The following MROH1 variants were observed in gnomAD, a reference collection of about 807,000 sequenced individuals.
MROH1 encodes maestro heat like repeat family member 1.
In MROH1, 117 loss-of-function variants were observed where a neutral mutation model predicts 116.5. That is an observed-to-expected ratio of 1.00 (90% CI 0.86 to 1.17). MROH1 has a LOEUF of 1.17. Ranked by LOEUF, MROH1 falls within the 50% of genes most tolerant of loss-of-function variation. The pLI, the probability that MROH1 is intolerant of heterozygous loss-of-function variation, is 0.00. For missense variants in MROH1, 1,873 were observed against 1,338.5 expected, an observed-to-expected ratio of 1.40 and a Z score of -6.23; for synonymous variants, 921 against 583.9, an observed-to-expected ratio of 1.58 and a Z score of -8.32.
rs1390420948 is a variant in MROH1 at position 144,200,559 on chromosome 8, A to G, written c.1141+18A>G. 1.3e-6 allele frequency: 2 copies of G among 1,531,132 alleles called. 1 individual carries two copies. Among genetic ancestry groups the G allele is most frequent in the South Asian group, 2.4e-5 (2 of 83,680 alleles). 94.8% of individuals were successfully genotyped at this position (1,531,132 alleles called of 1,614,324 possible). ...CTCAGCTGGTGAGTGCCTCCATGCT[A>G]GCCTGGCCGCCACCCCTGGCCATGT... On this transcript the variant is annotated intron_variant, in intron 12 of 43. Coordinates refer to ENST00000326134, the MANE Select transcript of MROH1 (RefSeq NM_032450.3).
At chr8:144,169,386 C>A (rs1277299623) in intron 4 of MROH1, among the ~76,000 whole-genome samples, 1 of 151,888 alleles carries the variant, frequency 6.6e-6, no homozygotes, top group Non-Finnish European at 1.5e-5. Context: ...TCTCTCCTTT[C>A]TTCCTCTGTC....
At chr8:144,246,948 C>T (rs1449030210) in intron 29 of MROH1, among the ~76,000 whole-genome samples, 4 of 152,238 alleles carry the variant, frequency 2.6e-5, no homozygotes, top group Non-Finnish European at 4.4e-5. Context: ...AGAGCCCGTG[C>T]ACTCCTCCCA....
intron 35 of MROH1, among the ~76,000 whole-genome samples, chr8:144,255,981 G>T (rs985963958): frequency 6.6e-6 from 1 of 152,254 alleles, no homozygotes; most frequent in Non-Finnish European, 1.5e-5. Context: ...TGGGGGCTTC[G>T]TGTGGCAGCT....
Position 144,180,842 on chromosome 8 carries a change from G to T in MROH1, c.562+319G>T, listed in dbSNP as rs1825443638. Among the ~76,000 whole-genome samples the T allele has an allele frequency of 6.6e-6, 1 of 152,132 alleles. No individual in the cohort carries two copies. Among genetic ancestry groups the T allele is most frequent in the Admixed American group, 6.5e-5 (1 of 15,278 alleles). ...CTTTTTGTTTTCCTCCCCACTCCAGGCTAGAAAAGTGTCCGCTCTCTGGGC... is the reference window on the plus strand; with the variant it reads ...CTTTTTGTTTTCCTCCCCACTCCAGTCTAGAAAAGTGTCCGCTCTCTGGGC... On this transcript the variant is annotated intron_variant, in intron 7 of 43. Coordinates refer to ENST00000326134, the MANE Select transcript of MROH1 (RefSeq NM_032450.3). This position sits in a 1 kb window ranked among gnomAD's most constrained non-coding sequence, Gnocchi z 7.4.
At chr8:144,258,057 G>C (rs1844240447) in intron 35 of MROH1, among the ~76,000 whole-genome samples, 1 of 152,206 alleles carries the variant, frequency 6.6e-6, no homozygotes. Flanking sequence ...CAGCAGGGAA[G>C]GGCTCATCTG....
chr8:144,238,800 C>T lies in MROH1; in HGVS notation c.1383C>T (p.Ser461=). 3 of 774,792 alleles carry T rather than the reference C, an allele frequency of 3.9e-6. No individual in the cohort carries two copies. The highest frequency in any genetic ancestry group is 2.4e-5 in the East Asian group (1 of 41,246). The allele number at this position is 774,792 out of a possible 1,614,324, so 48.0% of individuals were successfully genotyped here. A position where few individuals can be genotyped will look rare whatever the true frequency, so the allele number is the denominator to read the frequency against. Residue 461 remains serine (S), a synonymous_variant, in exon 15 of 44, where the codon AGC becomes AGT. Transcript: ENST00000326134. Reference sequence around the variant, plus strand: ...GCAGCAAGGACCCCAAGGCCGACAGCGTGCGGGCCATCAGCGTGCGCACCC... The same window carrying T: ...GCAGCAAGGACCCCAAGGCCGACAGTGTGCGGGCCATCAGCGTGCGCACCC... ...GPGSKDPKAD[S]VRAISVRTLY...
At chr8:144,190,965 C>G in intron 8 of MROH1, 30 bp downstream of exon 8, 1 of 1,593,906 alleles carries the variant, frequency 6.3e-7, no homozygotes, top group Non-Finnish European at 8.6e-7. Flanking sequence ...CAGTCCACGC[C>G]TGATGCCAGG....
At chr8:144,149,200 G>A (rs962280351) in intron 1 of MROH1, among the ~76,000 whole-genome samples, 104 of 152,254 alleles carry the variant, frequency 6.8e-4, no homozygotes, top group African/African-American at 2.2e-3. Context: ...TGTTTGTGAC[G>A]TGGCTGCATG....
chr8:144,221,701 G>T (rs1344711744), intron 13 of MROH1, among the ~76,000 whole-genome samples: 8 of 152,068 alleles, frequency 5.3e-5, no homozygotes, highest in South Asian at 2.1e-4. Context: ...GGGTCTTTTG[G>T]TCCTTTTGGA....
Position 144,259,954 on chromosome 8 carries a change from C to G in MROH1, c.4088C>G (p.Ser1363Trp), listed in dbSNP as rs1158142185. Residue 1363 changes from serine to tryptophan, a missense_variant, in exon 38 of 44, where the codon TCG becomes TGG. Physicochemically the swap from Ser to Trp is radical, Grantham distance 177. Transcript: ENST00000326134. ...GCCAACGACCTCATGCTCTTGGACT[C>G]GCTGCTGGAGAGCCTGGCGGCTCGC... ...NVANDLMLLD[S>W]LLESLAARQK... 1.3e-6 allele frequency: 1 copy of G among 742,796 alleles called. No homozygotes were observed. The allele number at this position is 742,796 out of a possible 1,614,324, so 46.0% of individuals were successfully genotyped here.
At chr8:144,234,467 A>G (rs1237699268) in intron 14 of MROH1, among the ~76,000 whole-genome samples, 2 of 68,458 alleles carry the variant, frequency 2.9e-5, no homozygotes, top group Non-Finnish European at 6.4e-5. Flanking sequence ...TTTTGATGCT[A>G]TTGTAAATGG....
chr8:144,221,949 A>G (rs544320511), intron 13 of MROH1, among the ~76,000 whole-genome samples: 95 of 152,274 alleles, frequency 6.2e-4, no homozygotes, highest in African/African-American at 2.1e-3. Flanking sequence ...GCTCAGGGGA[A>G]GGGCTGGTTG....
chr8:144,245,947 G>A (rs1387686161), intron 29 of MROH1, among the ~76,000 whole-genome samples: 1 of 152,026 alleles, frequency 6.6e-6, no homozygotes, highest in Non-Finnish European at 1.5e-5. Flanking sequence ...AGATGCTGGG[G>A]TTACAGATGG....
At chr8:144,151,983 CTT>C (rs1350400815) in intron 1 of MROH1, among the ~76,000 whole-genome samples, 1 of 152,238 alleles carries the variant, frequency 6.6e-6, no homozygotes, top group Non-Finnish European at 1.5e-5. Flanking sequence ...ATCTCTCTCT[CTT>C]CTGAGAATTC....
At chr8:144,196,393 G>A (rs565003631) in intron 10 of MROH1, among the ~76,000 whole-genome samples, 19 of 151,332 alleles carry the variant, frequency 1.3e-4, no homozygotes, top group Non-Finnish European at 2.1e-4. Flanking sequence ...CTTTCACTCT[G>A]TTGCCCAGGC....
At chr8:144,162,268 G>A (rs985180970) in intron 2 of MROH1, among the ~76,000 whole-genome samples, 4 of 150,540 alleles carry the variant, frequency 2.7e-5, no homozygotes, top group Non-Finnish European at 5.9e-5. Flanking sequence ...TATTTTTTTA[G>A]TACAGACTGG....
Position 144,239,147 on chromosome 8 carries a change from C to T in MROH1, c.1559C>T (p.Ala520Val). ...GCGCAGAAGAGGCAGGAGGCCGGGG[C>T]CGACGCCTTCCTCATCCAGTACGAC... ...HLAQKRQEAG[A>V]DAFLIQYDAH... Residue 520 changes from alanine to valine, a missense_variant, in exon 16 of 44, where the codon GCC becomes GTC. By Grantham distance (64) the Ala-to-Val change is moderately conservative (BLOSUM62 0). Coordinates refer to ENST00000326134, the MANE Select transcript of MROH1 (RefSeq NM_032450.3). The T allele has an allele frequency of 1.3e-6, 1 of 768,150 alleles. No individual in the cohort carries two copies. 47.6% of individuals were successfully genotyped at this position (768,150 alleles called of 1,614,324 possible).
intron 7 of MROH1, among the ~76,000 whole-genome samples, chr8:144,186,446 A>T (rs1324824428): frequency 6.6e-6 from 1 of 152,100 alleles, no homozygotes; most frequent in East Asian, 1.9e-4. Context: ...TGACCTGAGC[A>T]TCACCACAAA....
intron 1 of MROH1, among the ~76,000 whole-genome samples, chr8:144,156,186 G>A (rs985635655): frequency 6.7e-6 from 1 of 148,876 alleles, no homozygotes; most frequent in East Asian, 2.0e-4. Flanking sequence ...GTGGTGAGCC[G>A]AGACTGCGCC....
Sources: gnomAD v4.1 joint callset for allele counts (sites outside exome capture counted in the v4.1 genomes callset) on GRCh38, gnomAD v4.1.1 for gene constraint, Gnocchi (gnomAD v3.1) non-coding constraint, MANE v1.5 for transcripts, NCBI Gene and HGNC (gene_info 2026-07-23, HGNC 2026-07-21) for gene names.